NOS2: variants seen among roughly 807,000 people sequenced by gnomAD.
NOS2 encodes nitric oxide synthase 2.
Under a neutral mutation model 136.0 loss-of-function variants are expected in NOS2, and 96 were observed. The observed-to-expected ratio is 0.71, with a 90% CI of 0.60 to 0.84. The LOEUF (loss-of-function observed/expected upper bound fraction) is 0.84. Ranked by LOEUF, NOS2 falls within the 40% of genes least tolerant of loss-of-function variation. The probability of loss-of-function intolerance (pLI) is 0.00; values close to 1 mark genes in which losing one functional copy is unlikely to be tolerated. For missense variants in NOS2, 1,237 were observed against 1,496.9 expected (o/e 0.83, Z 2.87); for synonymous variants, 539 against 587.5 (o/e 0.92, Z 1.20).
intron 25 of NOS2, among the ~76,000 whole-genome samples, chr17:27,759,603 C>T (rs3794756): frequency 0.041 from 6,162 of 152,132 alleles, 275 homozygotes; most frequent in East Asian, 0.19. Flanking sequence ...GTGTGAAGGC[C>T]GAGAGTCTAT....
chr17:27,782,502 T>C (rs962315887), intron 6 of NOS2, among the ~76,000 whole-genome samples: 10 of 152,194 alleles, frequency 6.6e-5, no homozygotes, highest in Admixed American at 5.2e-4. Context: ...TTCTAATCGA[T>C]TTCTCTGTCC....
chr17:27,761,130 G>A lies in NOS2; in HGVS notation c.2888+14C>T. On this transcript the variant is annotated intron_variant, in intron 23 of 26. Transcript: ENST00000313735. ...CGGCGGCCCCACAGGGGACAGAGTGGAAGGGGTGCTTACTTCCGCACAAAG... is the reference window on the plus strand; with the variant it reads ...CGGCGGCCCCACAGGGGACAGAGTGAAAGGGGTGCTTACTTCCGCACAAAG... The A allele has an allele frequency of 6.4e-7, 1 of 1,574,670 alleles. No homozygotes were observed. The highest frequency in any genetic ancestry group is 8.6e-7 in the Non-Finnish European group (1 of 1,160,220).
intron 18 of NOS2, among the ~76,000 whole-genome samples, chr17:27,767,367 T>C (rs1710189367): frequency 1.3e-5 from 2 of 152,082 alleles, no homozygotes. Flanking sequence ...CTTCACCTCC[T>C]TGAACTGCAA....
At chr17:27,772,517 AC>A in intron 13 of NOS2, 65 bp from the exon 14 acceptor site, 2 of 1,589,266 alleles carry the variant, frequency 1.3e-6, no homozygotes, top group South Asian at 2.2e-5. Flanking sequence ...AAAATGGGGG[AC>A]CAGGGGAATG....
In NOS2 at chr17:27,774,518, C is replaced by T. The variant is rs375013485; in HGVS notation, c.1282-67G>A. The T allele has an allele frequency of 2.0e-5, 25 of 1,261,942 alleles. No homozygotes were observed. The African/African-American group carries it at 2.6e-4, about 13-fold the overall frequency. The allele number at this position is 1,261,942 out of a possible 1,614,324, so 78.2% of individuals were successfully genotyped here. A position where few individuals can be genotyped will look rare whatever the true frequency, so the allele number is the denominator to read the frequency against. On this transcript the variant is annotated intron_variant, in intron 11 of 26. Coordinates refer to ENST00000313735, the MANE Select transcript of NOS2 (RefSeq NM_000625.4). ...GGAATCAGGAGAGGGGCCGGTTGGC[C>T]GCAGGGCTCCCAGAGAGTGCCTGGG...
chr17:27,781,059 G>T lies in NOS2; in HGVS notation c.841C>A (p.Pro281Thr). The T allele has an allele frequency of 6.2e-7, 1 of 1,613,796 alleles. No homozygotes were observed. ...ACCTGAGTGAATTCCACGTTGGCAG[G>T]GTCCCCTCTGATGCTGCCATCTGGC... is the stretch of plus-strand genomic sequence containing the variant. ...QMPDGSIRGD[P>T]ANVEFTQLCI... is the part of the protein sequence containing the mutation. Residue 281 changes from proline (P) to threonine (T), a missense_variant, in exon 8 of 27, where the codon CCT (proline) becomes ACT (threonine). Transcript: ENST00000313735.
chr17:27,780,779 A>G lies in NOS2; in HGVS notation c.992T>C (p.Met331Thr). The change falls in exon 9 of 27, where the codon ATG (methionine) becomes ACG (threonine). Residue 331 changes from methionine to threonine, a missense_variant. This residue lies in a region of NOS2 where 440 missense variants were observed against 545.4 expected (regional missense o/e 0.81). Coordinates refer to ENST00000313735, the MANE Select transcript of NOS2 (RefSeq NM_000625.4). ...TCAGCCTACTTACTTGGGATGTTCC[A>G]TGGCCACCTCAAGCACAAGGTCAGG... ...IPPDLVLEVA[M>T]EHPKYEWFRE... The G allele has an allele frequency of 6.2e-7, 1 of 1,614,208 alleles. No individual in the cohort carries two copies. Among genetic ancestry groups the G allele is most frequent in the Non-Finnish European group, 8.5e-7 (1 of 1,180,028 alleles).
chr17:27,788,953 T>C, intron 3 of NOS2, 22 bp from the exon 4 acceptor site: 1 of 1,611,812 alleles, frequency 6.2e-7, no homozygotes, highest in Non-Finnish European at 8.5e-7. Context: ...AAAAACAGGG[T>C]TTTCTCTCAG....
intron 14 of NOS2, among the ~76,000 whole-genome samples, chr17:27,771,508 G>C (rs978384575): frequency 3.9e-5 from 6 of 152,236 alleles, no homozygotes; most frequent in Non-Finnish European, 5.9e-5. Flanking sequence ...AGCAGGTGAG[G>C]CTTGGACCCA....
intron 3 of NOS2, among the ~76,000 whole-genome samples, chr17:27,789,292 A>C (rs184037854): frequency 2.6e-5 from 4 of 152,244 alleles, no homozygotes; most frequent in African/African-American, 9.6e-5. Context: ...AAGGACATAT[A>C]AGCCACCCTC....
intron 5 of NOS2, among the ~76,000 whole-genome samples, chr17:27,787,078 G>A (rs1469627283): frequency 6.6e-6 from 1 of 152,198 alleles, no homozygotes; most frequent in Non-Finnish European, 1.5e-5. Context: ...CCCCACCAGG[G>A]TCAGGGCAAA....
rs1908074397 is a variant in NOS2 at position 27,760,228 on chromosome 17, A to G, written c.3011-50T>C. The G allele has an allele frequency of 4.7e-6, 7 of 1,495,598 alleles. No homozygotes were observed. The East Asian group carries it at 1.7e-4, about 36-fold the overall frequency. The allele number at this position is 1,495,598 out of a possible 1,614,324, so 92.6% of individuals were successfully genotyped here. A position where few individuals can be genotyped will look rare whatever the true frequency, so the allele number is the denominator to read the frequency against. On this transcript the variant is annotated intron_variant, in intron 24 of 26. Transcript: ENST00000313735. ...ACCATGTTGGCCACCAGAGGGCGCC[A>G]GGGCTCCAAGCCCAACTGGAATTCT...
intron 9 of NOS2, 128 bp downstream of exon 9, chr17:27,780,639 C>T (rs1453066460): frequency 8.3e-7 from 1 of 1,197,750 alleles, no homozygotes; most frequent in African/African-American, 1.5e-5. Context: ...TGAAGGCCAG[C>T]CCCCTGAGTG....
chr17:27,782,128 A>T, intron 6 of NOS2, 22 bp from the exon 7 acceptor site: 1 of 1,609,918 alleles, frequency 6.2e-7, no homozygotes, highest in Non-Finnish European at 8.5e-7. Flanking sequence ...CATCCAGACC[A>T]TGCCCATCAA....
chr17:27,779,150 C>T (rs1908759832), intron 9 of NOS2, 94 bp from the exon 10 acceptor site: 1 of 989,672 alleles, frequency 1.0e-6, no homozygotes, highest in African/African-American at 1.7e-5. Flanking sequence ...CTCTGTTGCT[C>T]ATGCTGGAGT....
In NOS2 at chr17:27,798,816, G is replaced by A; in HGVS notation, c.-7C>T. On this transcript the variant is annotated 5_prime_UTR_variant, in exon 2 of 27. Transcript: ENST00000313735. ...ATTTCCAAGGACAGGCCATCTCTATGGCTTTACAAAGCAGGTCACTTATGT... is the reference window on the plus strand; with the variant it reads ...ATTTCCAAGGACAGGCCATCTCTATAGCTTTACAAAGCAGGTCACTTATGT... The A allele has an allele frequency of 6.4e-7, 1 of 1,568,130 alleles. No homozygotes were observed. The highest frequency in any genetic ancestry group is 8.8e-7 in the Non-Finnish European group (1 of 1,138,076).
In NOS2 at chr17:27,788,754, T is replaced by C. The variant is rs1033815633; in HGVS notation, c.318+55A>G. On this transcript the variant is annotated intron_variant, in intron 4 of 26. Coordinates refer to ENST00000313735, the MANE Select transcript of NOS2 (RefSeq NM_000625.4). ...GACACCTGTTTGATCCACAAAGCCC[T>C]GGCAGCTTCACCAGCTTGGGACAAA... 84 of 1,580,100 alleles carry C rather than the reference T, an allele frequency of 5.3e-5. 1 individual carries two copies. In the African/African-American group the frequency reaches 1.0e-3, roughly 19 times the overall value.
At position 27,765,625 on chromosome 17, in the gene NOS2, G is replaced by T. The variant is rs776238423; in HGVS notation, c.2338C>A (p.Gln780Lys). 3.1e-6 allele frequency: 5 copies of T among 1,613,080 alleles called. No homozygotes were observed. Among genetic ancestry groups the T allele is most frequent in the East Asian group, 4.5e-5 (2 of 44,892 alleles). Residue 780 changes from glutamine to lysine, a missense_variant, in exon 20 of 27, where the codon CAG becomes AAG. Transcript: ENST00000313735. The part of the protein sequence containing the change: ...GEHLGVCPGN[Q>K]PALVQGILER... The stretch of plus-strand genomic sequence containing the variant: ...AGGATACCTTGGACCAGGGCCGGCT[G>T]GTTGCCTGGGCAAACCCCAAGGTGC...
At position 27,762,973 on chromosome 17, in the gene NOS2, G is replaced by T; in HGVS notation, c.2625C>A (p.Asn875Lys). The change falls in exon 22 of 27, where the codon AAC (asparagine) becomes AAA (lysine). Residue 875 changes from asparagine to lysine, a missense_variant. Physicochemically the swap from Asn to Lys is moderately conservative, Grantham distance 94. Transcript: ENST00000313735. ...PSEYSKWKFT[N>K]SPTFLEVLEE... ...CTAGCACCTCCAGGAATGTGGGGCT[G>T]TTGGTGAACTTCCACTTGCTGTACT... 13 of 1,605,168 alleles carry T rather than the reference G, an allele frequency of 8.1e-6. No individual in the cohort carries two copies. Among genetic ancestry groups the T allele is most frequent in the Non-Finnish European group, 9.4e-6 (11 of 1,176,370 alleles).
Sources: gnomAD v4.1 joint callset for allele counts (sites outside exome capture counted in the v4.1 genomes callset) on GRCh38, gnomAD v4.1.1 for gene constraint, gnomAD v4.1.1 regional missense constraint, MANE v1.5 for transcripts, NCBI Gene and HGNC (gene_info 2026-07-23, HGNC 2026-07-21) for gene names.